CELSR1: variants seen among roughly 807,000 people sequenced by gnomAD.
CELSR1 encodes adhesion G protein-coupled receptor C1.
In CELSR1, 110 loss-of-function variants were observed where a neutral mutation model predicts 249.1. The ratio of observed to expected loss-of-function variants is 0.44; its 90% CI spans 0.38 to 0.52. The LOEUF (loss-of-function observed/expected upper bound fraction) is 0.52. CELSR1 is among the 20% of genes least tolerant of loss of function. The pLI is 0.00. For missense variants in CELSR1, 4,109 were observed against 4,296.4 expected (o/e 0.96, Z 1.22); for synonymous variants, 2,113 against 1,900.0 (o/e 1.11, Z -2.92).
rs148048364 is a variant in CELSR1 at position 46,391,642 on chromosome 22, C to T, written c.6139G>A (p.Gly2047Ser). 182 of 1,600,576 alleles carry T rather than the reference C, an allele frequency of 1.1e-4. No individual in the cohort carries two copies. The highest frequency in any genetic ancestry group is 1.5e-4 in the Non-Finnish European group (172 of 1,176,366). Residue 2047 changes from glycine (G) to serine (S), a missense_variant, in exon 15 of 35, where the codon GGC becomes AGC. Physicochemically the swap from Gly to Ser is moderately conservative, Grantham distance 56. Coordinates refer to ENST00000674500, the MANE Select transcript of CELSR1 (RefSeq NM_001378328.1). The surrounding 1 kb of genome is among the most constrained non-coding windows in gnomAD (Gnocchi z 4.3). ...DNPFAEVTTLGCEVIYNGCPK... is the reference protein window; with the variant it reads ...DNPFAEVTTLSCEVIYNGCPK... ...GAGGGGCAACGCGGACCTTCACAGC[C>T]GAGCGTGGTGACCTCGGCAAACGGG...
rs1005260508 is a variant in CELSR1, at chr22:46,412,976, G to A, written c.4612-1217C>T. Among the ~76,000 whole-genome samples, 1 of 152,136 alleles carries A rather than the reference G, an allele frequency of 6.6e-6. No homozygotes were observed. Among genetic ancestry groups the A allele is most frequent in the South Asian group, 2.1e-4 (1 of 4,820 alleles). On this transcript the variant is annotated intron_variant, in intron 5 of 34. Coordinates refer to ENST00000674500, the MANE Select transcript of CELSR1 (RefSeq NM_001378328.1). The surrounding 1 kb of genome is among the most constrained non-coding windows in gnomAD (Gnocchi z 4.5). ...GCAGAGCCTCCCCCTCCACCCCAGA[G>A]AGAACCTTTTCTTCCAGTCCCAGCA...
In CELSR1 at chr22:46,395,555, C is replaced by G. The variant is rs9615982; in HGVS notation, c.5843+1050G>C. 2.0e-5 allele frequency among the ~76,000 whole-genome samples: 3 copies of G among 152,076 alleles called. No individual in the cohort carries two copies. The highest frequency in any genetic ancestry group is 7.3e-5 in the African/African-American group (3 of 41,364). ...CGCGGCGCTCTCCCTGGCATCACATCTTGCTGATATCCAAGAATGATGTGG... is the reference window on the plus strand; with the variant it reads ...CGCGGCGCTCTCCCTGGCATCACATGTTGCTGATATCCAAGAATGATGTGG... On this transcript the variant is annotated intron_variant, in intron 13 of 34. Transcript: ENST00000674500. This position sits in a 1 kb window ranked among gnomAD's most constrained non-coding sequence, Gnocchi z 5.5.
chr22:46,372,799 A>C, intron 25 of CELSR1, 84 bp downstream of exon 25: 144 of 1,465,276 alleles, frequency 9.8e-5, no homozygotes, highest in Non-Finnish European at 1.2e-4. Flanking sequence ...TGGGCAGGGA[A>C]GAGAAAGGAG....
intron 9 of CELSR1, among the ~76,000 whole-genome samples, chr22:46,403,291 G>T (rs1018711520): frequency 3.3e-5 from 5 of 151,904 alleles, no homozygotes; most frequent in Non-Finnish European, 7.4e-5. Context: ...GCTTACACCT[G>T]TAATCCCAGC....
rs2079552991 is a variant in CELSR1 at position 46,427,858 on chromosome 22, T to C, written c.4611+5535A>G. Among the ~76,000 whole-genome samples, 1 of 151,986 alleles carries C rather than the reference T, an allele frequency of 6.6e-6. No individual in the cohort carries two copies. Among genetic ancestry groups the C allele is most frequent in the Non-Finnish European group, 1.5e-5 (1 of 67,986 alleles). Reference sequence around the variant, plus strand: ...TCTGTAGAGCCCAGAAAGGGTCCCATCAAAAAACCTCACCCTGACCCAAGT... The same window carrying C: ...TCTGTAGAGCCCAGAAAGGGTCCCACCAAAAAACCTCACCCTGACCCAAGT... On this transcript the variant is annotated intron_variant, in intron 5 of 34. Coordinates refer to ENST00000674500, the MANE Select transcript of CELSR1 (RefSeq NM_001378328.1). The surrounding 1 kb of genome is among the most constrained non-coding windows in gnomAD (Gnocchi z 4.2).
At chr22:46,372,700 C>T (rs1013115090) in intron 25 of CELSR1, among the ~76,000 whole-genome samples, 183 bp downstream of exon 25, 1 of 152,142 alleles carries the variant, frequency 6.6e-6, no homozygotes, top group African/African-American at 2.4e-5. Flanking sequence ...GAAGACGTCG[C>T]CCCAGGTGTC....
chr22:46,502,844 G>A (rs540265164), intron 1 of CELSR1, among the ~76,000 whole-genome samples: 24 of 152,166 alleles, frequency 1.6e-4, no homozygotes, highest in Non-Finnish European at 3.1e-4. Flanking sequence ...TCGGCAGCAA[G>A]GCGTTTTTAA....
rs957549007 is a variant in CELSR1 at position 46,423,251 on chromosome 22, C to T, written c.4611+10142G>A. Among the ~76,000 whole-genome samples the T allele has an allele frequency of 1.1e-4, 17 of 152,334 alleles. No homozygotes were observed. Among genetic ancestry groups the T allele is most frequent in the Non-Finnish European group, 2.2e-4 (15 of 68,034 alleles). Reference sequence around the variant, plus strand: ...GGCCTTCACACAGCCCTGGCTGAATCGCATAGACCAGAAGAACCAGCAGCC... The same window carrying T: ...GGCCTTCACACAGCCCTGGCTGAATTGCATAGACCAGAAGAACCAGCAGCC... On this transcript the variant is annotated intron_variant, in intron 5 of 34. Transcript: ENST00000674500. The surrounding 1 kb of genome is among the most constrained non-coding windows in gnomAD (Gnocchi z 5.6).
At position 46,535,564 on chromosome 22, in the gene CELSR1, G is replaced by A. The variant is rs2080844079; in HGVS notation, c.1607C>T (p.Ala536Val). 1 of 1,613,398 alleles carries A rather than the reference G, an allele frequency of 6.2e-7. No homozygotes were observed. The highest frequency in any genetic ancestry group is 2.2e-5 in the East Asian group (1 of 44,876). ...GAGCGGGGGCCGGCCCCCATCCTGG[G>A]CCTTAATGCTCAGCGAGTATTTCTG... ...DVQKYSLSIK[A>V]QDGGRPPLIN... Residue 536 changes from alanine (A) to valine (V), a missense_variant, in exon 1 of 35, where the codon GCC becomes GTC. Ala to Val is a moderately conservative substitution (Grantham distance 64). Coordinates refer to ENST00000674500, the MANE Select transcript of CELSR1 (RefSeq NM_001378328.1).
rs2080168950 is a variant in CELSR1 at position 46,472,787 on chromosome 22, G to A, written c.3545-8442C>T. 6.6e-6 allele frequency among the ~76,000 whole-genome samples: 1 copy of A among 152,174 alleles called. No individual in the cohort carries two copies. The highest frequency in any genetic ancestry group is 6.5e-5 in the Admixed American group (1 of 15,268). On this transcript the variant is annotated intron_variant, in intron 1 of 34. Coordinates refer to ENST00000674500, the MANE Select transcript of CELSR1 (RefSeq NM_001378328.1). The surrounding 1 kb of genome is among the most constrained non-coding windows in gnomAD (Gnocchi z 7.0). ...TCTGTTCCGGGCCCCTTTCCCTGGG[G>A]GCTGGGGGTCCAGCAGTCCTTGGCG...
Position 46,534,171 on chromosome 22 carries a change from C to A in CELSR1, c.3000G>T (p.Glu1000Asp). The A allele has an allele frequency of 6.2e-7, 1 of 1,613,928 alleles. No individual in the cohort carries two copies. Among genetic ancestry groups the A allele is most frequent in the Non-Finnish European group, 8.5e-7 (1 of 1,180,044 alleles). ...LDINDNAPMF[E>D]KDELELFVEE... ...CAACAAACAGCTCCAGTTCGTCCTT[C>A]TCAAACATGGGGGCATTGTCATTAA... Residue 1000 changes from glutamate to aspartate, a missense_variant, in exon 1 of 35, where the codon GAG (glutamate) becomes GAT (aspartate). Physicochemically the swap from Glu to Asp is conservative, Grantham distance 45. Transcript: ENST00000674500. The surrounding 1 kb of genome is among the most constrained non-coding windows in gnomAD (Gnocchi z 9.7).
Position 46,366,453 on chromosome 22 carries a change from C to G in CELSR1, c.8233G>C (p.Gly2745Arg), listed in dbSNP as rs2078783199. The G allele has an allele frequency of 1.3e-6, 2 of 1,550,298 alleles. No individual in the cohort carries two copies. The highest frequency in any genetic ancestry group is 1.7e-6 in the Non-Finnish European group (2 of 1,146,722). The change falls in exon 30 of 35, where the codon GGT (glycine) becomes CGT (arginine). Residue 2745 changes from glycine to arginine, a missense_variant. Physicochemically the swap from Gly to Arg is moderately radical, Grantham distance 125. This residue lies in a region of CELSR1 where 1,805 missense variants were observed against 1,831.6 expected (regional missense o/e 0.99). Coordinates refer to ENST00000674500, the MANE Select transcript of CELSR1 (RefSeq NM_001378328.1). ...GTGCGCAGCATGTCAGGCCCGTCACCGAAGGTGGTGTTGCAGTTGAGGGAG... is the reference window on the plus strand; with the variant it reads ...GTGCGCAGCATGTCAGGCCCGTCACGGAAGGTGGTGTTGCAGTTGAGGGAG... ...TRSLNCNTTFGDGPDMLRTDL... is the reference protein window; with the variant it reads ...TRSLNCNTTFRDGPDMLRTDL...
At chr22:46,422,504 G>T (rs142152284) in intron 5 of CELSR1, among the ~76,000 whole-genome samples, 7,533 of 149,550 alleles carry the variant, frequency 0.05, 190 homozygotes, top group Middle Eastern at 0.092. Context: ...GAGGCCAAGG[G>T]GGGGCGGATC....
At chr22:46,515,238 C>G (rs1164594815) in intron 1 of CELSR1, among the ~76,000 whole-genome samples, 1 of 152,238 alleles carries the variant, frequency 6.6e-6, no homozygotes, top group Non-Finnish European at 1.5e-5. Context: ...CCACTCCCAG[C>G]CCACAGCCAG....
chr22:46,411,686 C>G lies in CELSR1; in HGVS notation c.4685G>C (p.Cys1562Ser). Residue 1562 changes from cysteine to serine, a missense_variant, in exon 6 of 35, where the codon TGT (cysteine) becomes TCT (serine). By Grantham distance (112) the Cys-to-Ser change is moderately radical. Around this residue, in one of 7 missense-constraint regions of CELSR1, gnomAD observed 453 missense variants for 492.0 expected, o/e 0.92. Coordinates refer to ENST00000674500, the MANE Select transcript of CELSR1 (RefSeq NM_001378328.1). This position sits in a 1 kb window ranked among gnomAD's most constrained non-coding sequence, Gnocchi z 4.2. ...EKMAVVTVDD[C>S]DTTMAVRFGK... The stretch of plus-strand genomic sequence containing the variant: ...AAAGCGCACAGCCATGGTTGTGTCA[C>G]AATCATCCACTGTCACCACGGCCAT... 6.2e-7 allele frequency: 1 copy of G among 1,614,228 alleles called. No homozygotes were observed. The highest frequency in any genetic ancestry group is 8.5e-7 in the Non-Finnish European group (1 of 1,180,046).
intron 2 of CELSR1, among the ~76,000 whole-genome samples, chr22:46,444,886 G>A (rs573934741): frequency 5.3e-5 from 8 of 152,320 alleles, no homozygotes; most frequent in South Asian, 4.1e-4. Context: ...TCACAAGGCC[G>A]TCAAATCTCC....
At position 46,500,763 on chromosome 22, in the gene CELSR1, C is replaced by T. The variant is rs1049835660; in HGVS notation, c.3544+32864G>A. On this transcript the variant is annotated intron_variant, in intron 1 of 34. Coordinates refer to ENST00000674500, the MANE Select transcript of CELSR1 (RefSeq NM_001378328.1). The surrounding 1 kb of genome is among the most constrained non-coding windows in gnomAD (Gnocchi z 4.9). ...GCAGTTTCAGAATGAAGCTCACCAC[C>T]GTGTCCCCACAACTGGAGCTGCCCG... Among the ~76,000 whole-genome samples the T allele has an allele frequency of 6.6e-6, 1 of 152,132 alleles. No homozygotes were observed. Among genetic ancestry groups the T allele is most frequent in the Non-Finnish European group, 1.5e-5 (1 of 68,026 alleles).
intron 1 of CELSR1, among the ~76,000 whole-genome samples, chr22:46,494,711 T>C (rs552262209): frequency 2.0e-5 from 3 of 152,146 alleles, no homozygotes; most frequent in African/African-American, 7.2e-5. Flanking sequence ...TTTCACCATG[T>C]TAGCAGGCTG....
In CELSR1 at chr22:46,441,891, G is replaced by A. The variant is rs2079754163; in HGVS notation, c.4184-2480C>T. Among the ~76,000 whole-genome samples the A allele has an allele frequency of 6.6e-6, 1 of 152,240 alleles. No homozygotes were observed. The highest frequency in any genetic ancestry group is 2.4e-5 in the African/African-American group (1 of 41,472). The stretch of plus-strand genomic sequence containing the variant: ...AAAGAGATCACGGTGGCTCACGCCT[G>A]TAACCCCAGCACTTGGGGAGGCTGA... On this transcript the variant is annotated intron_variant, in intron 2 of 34. Coordinates refer to ENST00000674500, the MANE Select transcript of CELSR1 (RefSeq NM_001378328.1). This position sits in a 1 kb window ranked among gnomAD's most constrained non-coding sequence, Gnocchi z 6.1.
Sources: gnomAD v4.1 joint callset for allele counts (sites outside exome capture counted in the v4.1 genomes callset) on GRCh38, gnomAD v4.1.1 for gene constraint, gnomAD v4.1.1 regional missense constraint, Gnocchi (gnomAD v3.1) non-coding constraint, MANE v1.5 for transcripts, NCBI Gene and HGNC (gene_info 2026-07-23, HGNC 2026-07-21) for gene names.